POMT2: variants seen among roughly 807,000 people sequenced by gnomAD.
The protein encoded by POMT2 is protein O-mannosyltransferase 2, also known as protein O-mannosyl-transferase 2.
Under a neutral mutation model 100.0 loss-of-function variants are expected in POMT2, and 75 were observed. That is an observed-to-expected ratio of 0.75 (90% CI 0.62 to 0.91). POMT2 has a LOEUF of 0.91. Ranked by LOEUF, POMT2 falls within the 40% of genes least tolerant of loss-of-function variation. The pLI is 0.00. For missense variants in POMT2, 940 were observed against 955.1 expected (o/e 0.98, Z 0.21); for synonymous variants, 378 against 374.1 (o/e 1.01, Z -0.12).
intron 12 of POMT2, 126 bp downstream of exon 12, chr14:77,286,618 A>G: frequency 7.3e-7 from 1 of 1,376,188 alleles, no homozygotes; most frequent in Non-Finnish European, 1.0e-6. Flanking sequence ...ATGTTAAGAG[A>G]GTCCCTGTGC....
At chr14:77,304,833 A>T in intron 3 of POMT2, 33 bp from the exon 4 acceptor site, 1 of 1,558,780 alleles carries the variant, frequency 6.4e-7, no homozygotes, top group Non-Finnish European at 8.7e-7. Flanking sequence ...GTCAAATAAC[A>T]AGCTGAGCTA....
intron 1 of POMT2, 131 bp downstream of exon 1, chr14:77,320,303 G>A (rs943036468): frequency 4.4e-5 from 65 of 1,481,530 alleles, no homozygotes; most frequent in Non-Finnish European, 5.6e-5. Flanking sequence ...CAACCCACCC[G>A]ATACCTCAAG....
intron 1 of POMT2, among the ~76,000 whole-genome samples, chr14:77,317,321 C>G (rs1486609249): frequency 6.6e-6 from 1 of 152,238 alleles, no homozygotes; most frequent in African/African-American, 2.4e-5. Context: ...GTTTACAGTG[C>G]TGATGTTGCT....
At chr14:77,300,873 G>A (rs1891009462) in intron 6 of POMT2, 3 of 628,426 alleles carry the variant, frequency 4.8e-6, no homozygotes, top group Non-Finnish European at 8.0e-6. Context: ...AGACTTCCAA[G>A]AATGTTAATC....
intron 11 of POMT2, among the ~76,000 whole-genome samples, chr14:77,288,138 T>C (rs952258394): frequency 6.6e-6 from 1 of 152,232 alleles, no homozygotes; most frequent in Non-Finnish European, 1.5e-5. Context: ...AAAGTCAAGA[T>C]TGTGGGATCA....
Position 77,278,811 on chromosome 14 carries a change from A to G in POMT2, c.1950T>C (p.His650=), listed in dbSNP as rs1279892705. ...GGQVLLGWTL[H]YFPFFLMGRV... ...GGCCCATCAGGAAAAACGGGAAGTA[A>G]TGGAGTGTCCAGCCGAGCAGGACCT... The change falls in exon 19 of 21, where the codon CAT becomes CAC. Residue 650 remains histidine, a synonymous_variant. Transcript: ENST00000261534. The G allele has an allele frequency of 6.2e-7, 1 of 1,613,446 alleles. No homozygotes were observed. The highest frequency in any genetic ancestry group is 1.1e-5 in the South Asian group (1 of 91,078).
At chr14:77,305,777 G>A (rs1050039025) in intron 3 of POMT2, among the ~76,000 whole-genome samples, 2 of 152,222 alleles carry the variant, frequency 1.3e-5, no homozygotes, top group African/African-American at 4.8e-5. Flanking sequence ...GGCTGGTGCT[G>A]TAAATCAGGA....
At chr14:77,310,463 T>C (rs1398731010) in intron 2 of POMT2, among the ~76,000 whole-genome samples, 1 of 152,200 alleles carries the variant, frequency 6.6e-6, no homozygotes, top group Non-Finnish European at 1.5e-5. Context: ...ATTGTTGTTA[T>C]AGTATAAAAG....
chr14:77,306,220 A>G (rs1398906840), intron 3 of POMT2, 117 bp downstream of exon 3: 1 of 1,529,146 alleles, frequency 6.5e-7, no homozygotes, highest in African/African-American at 1.4e-5. Context: ...CCCTCTCCTC[A>G]CCACCCAAAG....
At chr14:77,297,090 A>G (rs540408879) in intron 8 of POMT2, among the ~76,000 whole-genome samples, 4 of 152,364 alleles carry the variant, frequency 2.6e-5, no homozygotes, top group African/African-American at 7.2e-5. Context: ...TCTCCCAAGG[A>G]TTAAAGAGAG....
intron 9 of POMT2, among the ~76,000 whole-genome samples, chr14:77,293,218 G>C (rs1890702969): frequency 6.6e-6 from 1 of 152,218 alleles, no homozygotes; most frequent in African/African-American, 2.4e-5. Context: ...ATTTGCTCAA[G>C]GAAGTTAAGG....
At position 77,304,806 on chromosome 14, in the gene POMT2, G is replaced by A. The variant is rs758521277; in HGVS notation, c.439-6C>T. 6 of 1,580,132 alleles carry A rather than the reference G, an allele frequency of 3.8e-6. No individual in the cohort carries two copies. The African/African-American group carries it at 6.7e-5, about 18-fold the overall frequency. On this transcript the variant is annotated splice_polypyrimidine_tract_variant and splice_region_variant and intron_variant, in intron 3 of 20. Coordinates refer to ENST00000261534, the MANE Select transcript of POMT2 (RefSeq NM_013382.7). ...GAGCCAAGGAATGCACAGAACTGTG[G>A]GAGGAATAGAGAAGCTGTCAAATAA...
chr14:77,312,892 A>G (rs1891491243), intron 1 of POMT2, among the ~76,000 whole-genome samples: 1 of 152,214 alleles, frequency 6.6e-6, no homozygotes, highest in South Asian at 2.1e-4. Context: ...GGCTGATCTT[A>G]TACTAACTAG....
chr14:77,320,340 A>C (rs541473569), intron 1 of POMT2, 94 bp downstream of exon 1: 5 of 1,535,262 alleles, frequency 3.3e-6, no homozygotes, highest in Middle Eastern at 1.7e-4. Flanking sequence ...CCCTCCTCCT[A>C]TAGATCCCGC....
At chr14:77,288,350 C>T (rs1314705422) in intron 11 of POMT2, among the ~76,000 whole-genome samples, 2 of 152,172 alleles carry the variant, frequency 1.3e-5, no homozygotes, top group East Asian at 1.9e-4. Context: ...CAGACTCCTA[C>T]GTCTTTCTAA....
In POMT2 at chr14:77,306,393, A is replaced by C. The variant is rs1311616983; in HGVS notation, c.382T>G (p.Leu128Val). 3.7e-6 allele frequency: 6 copies of C among 1,613,176 alleles called. No homozygotes were observed. The highest frequency in any genetic ancestry group is 5.1e-6 in the Non-Finnish European group (6 of 1,179,268). Residue 128 changes from leucine (L) to valine (V), a missense_variant, in exon 3 of 21, where the codon TTG becomes GTG. Physicochemically the swap from Leu to Val is conservative, Grantham distance 32 (BLOSUM62 1). Coordinates refer to ENST00000261534, the MANE Select transcript of POMT2 (RefSeq NM_013382.7). ...TATTTATCCCCAGGCTTCTGGAACA[A>C]AAAGGTACCATCATATCCACTCAGG... ...GYLSGYDGTF[L>V]FQKPGDKYEH...
intron 15 of POMT2, among the ~76,000 whole-genome samples, 178 bp from the exon 16 acceptor site, chr14:77,280,641 C>T (rs1890185469): frequency 6.6e-6 from 1 of 152,264 alleles, no homozygotes; most frequent in Non-Finnish European, 1.5e-5. Context: ...ACTTGCTTTA[C>T]TTCTCCCAGA....
intron 8 of POMT2, among the ~76,000 whole-genome samples, chr14:77,297,453 C>A (rs1414328221): frequency 6.6e-6 from 1 of 152,202 alleles, no homozygotes; most frequent in African/African-American, 2.4e-5. Context: ...CCTTTGAAAG[C>A]ATCAGCCCCA....
At position 77,298,911 on chromosome 14, in the gene POMT2, G is replaced by A. The variant is rs150739052; in HGVS notation, c.924-140C>T. 1.4e-5 allele frequency: 12 copies of A among 854,176 alleles called. No homozygotes were observed. In the East Asian group the frequency reaches 3.2e-4, roughly 23 times the overall value. 52.9% of individuals were successfully genotyped at this position (854,176 alleles called of 1,614,324 possible). ...TGGGACAGAGGTGGGTGATGGAGTT[G>A]GAGAAACTGGGGTCCAAATCCCAAC... On this transcript the variant is annotated intron_variant, in intron 7 of 20. Transcript: ENST00000261534.
Sources: allele counts gnomAD v4.1 joint callset (sites outside exome capture counted in the v4.1 genomes callset), GRCh38; gene constraint gnomAD v4.1.1; transcripts MANE v1.5; gene names NCBI Gene and HGNC (gene_info 2026-07-23, HGNC 2026-07-21).